The following ITPR1 variants were observed in gnomAD, a reference collection of about 807,000 sequenced individuals.
ITPR1 encodes inositol 1,4,5-trisphosphate receptor type 1.
In ITPR1, 96 loss-of-function variants were observed where a neutral mutation model predicts 318.4. The ratio of observed to expected loss-of-function variants is 0.30; its 90% confidence interval spans 0.26 to 0.36. The LOEUF (loss-of-function observed/expected upper bound fraction) is 0.36. Among genes scored for constraint, ITPR1 ranks in the 10% least tolerant of loss-of-function variants. The pLI is 1.00. For missense variants in ITPR1, 2,440 were observed against 3,460.2 expected (o/e 0.71, Z 7.40); for synonymous variants, 1,312 against 1,289.9 (o/e 1.02, Z -0.37).
chr3:4,825,567 T>G (rs2050018060), intron 60 of ITPR1, among the ~76,000 whole-genome samples: 1 of 152,174 alleles, frequency 6.6e-6, no homozygotes, highest in African/African-American at 2.4e-5. Context: ...GAGGAAACAT[T>G]ATGAGAAGAT....
Position 4,702,912 on chromosome 3 carries a change from C to G in ITPR1, c.4619C>G (p.Ala1540Gly), listed in dbSNP as rs1307308149. 1.9e-6 allele frequency: 3 copies of G among 1,613,844 alleles called. No homozygotes were observed. Among genetic ancestry groups the G allele is most frequent in the Admixed American group, 1.7e-5 (1 of 60,010 alleles). Residue 1540 changes from alanine (A) to glycine (G), a missense_variant, in exon 36 of 62, where the codon GCC becomes GGC. Physicochemically the swap from Ala to Gly is moderately conservative, Grantham distance 60. Around this residue, in one of 23 missense-constraint regions of ITPR1, gnomAD observed 166 missense variants for 246.5 expected, o/e 0.67. Coordinates refer to ENST00000649015, the MANE Select transcript of ITPR1 (RefSeq NM_001378452.1). The part of the protein sequence containing the change: ...HCNWLMPSQK[A>G]SVESCIRVLS... Reference sequence around the variant, plus strand: ...AACTGGTTAATGCCAAGCCAAAAAGCCTCCGTGGAGAGCTGTATTCGGGTG... The same window carrying G: ...AACTGGTTAATGCCAAGCCAAAAAGGCTCCGTGGAGAGCTGTATTCGGGTG...
At chr3:4,738,782 T>C (rs1407407770) in intron 44 of ITPR1, among the ~76,000 whole-genome samples, 2 of 151,908 alleles carry the variant, frequency 1.3e-5, no homozygotes, top group Non-Finnish European at 2.9e-5. Flanking sequence ...ACCCAGGCTG[T>C]AGATGAAATG....
At chr3:4,672,197 A>C (rs889425290) in intron 20 of ITPR1, among the ~76,000 whole-genome samples, 1 of 152,220 alleles carries the variant, frequency 6.6e-6, no homozygotes, top group African/African-American at 2.4e-5. Flanking sequence ...CTTGGAGGAT[A>C]TTCATATTTT....
chr3:4,628,225 C>T (rs141863882), intron 5 of ITPR1, among the ~76,000 whole-genome samples: 2 of 152,286 alleles, frequency 1.3e-5, no homozygotes, highest in African/African-American at 2.4e-5. Context: ...GTGCTGTTTT[C>T]CACTTCTGTT....
In ITPR1 at chr3:4,719,827, A is replaced by G. The variant is rs79808857; in HGVS notation, c.5136+2428A>G. The stretch of plus-strand genomic sequence containing the variant: ...TAAAATTTTGTTTGAAACCAGGAAG[A>G]GGAGGGGTTGTTTGTTTTTTGGCAA... On this transcript the variant is annotated intron_variant, in intron 40 of 61. Coordinates refer to ENST00000649015, the MANE Select transcript of ITPR1 (RefSeq NM_001378452.1). Among the ~76,000 whole-genome samples the G allele has an allele frequency of 1.8e-4, 28 of 152,234 alleles. No individual in the cohort carries two copies. The East Asian group carries it at 5.4e-3, about 29-fold the overall frequency.
chr3:4,666,309 C>CT (rs1455665925), intron 17 of ITPR1, among the ~76,000 whole-genome samples: 4 of 152,178 alleles, frequency 2.6e-5, no homozygotes, highest in South Asian at 2.1e-4. Flanking sequence ...TTGAATAGTG[C>CT]TTTTTTTGAA....
At chr3:4,706,068 T>C in intron 36 of ITPR1, 99 bp from the exon 37 acceptor site, 1 of 1,251,442 alleles carries the variant, frequency 8.0e-7, no homozygotes, top group East Asian at 2.4e-5. Context: ...CCATTCTGGG[T>C]GTGAAAAACC....
At position 4,693,524 on chromosome 3, in the gene ITPR1, A is replaced by G; in HGVS notation, c.4064A>G (p.Tyr1355Cys). Reference sequence around the variant, plus strand: ...TCGGGAGAGGATGTCCTCGTGTTCTACAACGACAGAGCCTCTTTCCAGACT... The same window carrying G: ...TCGGGAGAGGATGTCCTCGTGTTCTGCAACGACAGAGCCTCTTTCCAGACT... Reference protein sequence around the residue: ...VNSGEDVLVFYNDRASFQTLI... With the variant: ...VNSGEDVLVFCNDRASFQTLI... Residue 1355 changes from tyrosine to cysteine, a missense_variant, in exon 33 of 62, where the codon TAC becomes TGC. By Grantham distance (194) the Tyr-to-Cys change is radical. Coordinates refer to ENST00000649015, the MANE Select transcript of ITPR1 (RefSeq NM_001378452.1). 1.2e-6 allele frequency: 2 copies of G among 1,613,974 alleles called. No individual in the cohort carries two copies. The highest frequency in any genetic ancestry group is 1.7e-6 in the Non-Finnish European group (2 of 1,179,874).
chr3:4,700,845 C>A (rs767939597), intron 35 of ITPR1, among the ~76,000 whole-genome samples: 1 of 152,144 alleles, frequency 6.6e-6, no homozygotes, highest in East Asian at 1.9e-4. Context: ...GTGAAAGGCA[C>A]GTCCCACATG....
At chr3:4,766,112 T>C (rs111228910) in intron 44 of ITPR1, among the ~76,000 whole-genome samples, 2,575 of 152,358 alleles carry the variant, frequency 0.017, 44 homozygotes, top group South Asian at 0.063. Flanking sequence ...ATATTTTTCA[T>C]AGGGCTCTGC....
In ITPR1 at chr3:4,660,743, T is replaced by C. The variant is rs192749904; in HGVS notation, c.1152-245T>C. ...TGCTGAGACACTCATTCATGGAGTATGATCTTATATTTAGAAGTATAATAT... is the reference window on the plus strand; with the variant it reads ...TGCTGAGACACTCATTCATGGAGTACGATCTTATATTTAGAAGTATAATAT... On this transcript the variant is annotated intron_variant, in intron 13 of 61. Coordinates refer to ENST00000649015, the MANE Select transcript of ITPR1 (RefSeq NM_001378452.1). 3.9e-4 allele frequency among the ~76,000 whole-genome samples: 60 copies of C among 152,330 alleles called. No homozygotes were observed. In the East Asian group the frequency reaches 0.01, roughly 26 times the overall value.
intron 29 of ITPR1, 131 bp from the exon 30 acceptor site, chr3:4,684,938 C>T (rs1201797619): frequency 4.9e-6 from 4 of 823,988 alleles, no homozygotes; most frequent in African/African-American, 1.7e-5. Flanking sequence ...ATGCCACATA[C>T]TGAAGGAATT....
chr3:4,617,804 C>T (rs1015843039), intron 4 of ITPR1, among the ~76,000 whole-genome samples: 19 of 146,740 alleles, frequency 1.3e-4, no homozygotes, highest in African/African-American at 4.3e-4. Flanking sequence ...GGCAACATGG[C>T]GAAACCTTAT....
intron 45 of ITPR1, chr3:4,768,175 A>T (rs747251773): frequency 1.1e-4 from 24 of 228,502 alleles, no homozygotes; most frequent in Admixed American, 8.8e-4. Context: ...CTTTCTTGAG[A>T]TGTTATTCAC....
At position 4,516,477 on chromosome 3, in the gene ITPR1, A is replaced by T; in HGVS notation, c.-15A>T. On this transcript the variant is annotated splice_region_variant and 5_prime_UTR_variant, in exon 3 of 62. Transcript: ENST00000649015. ...TGCTGCATATTTTACTTTGTCTAGGATTTTCAAGAAAGACATGTCTGACAA... is the reference window on the plus strand; with the variant it reads ...TGCTGCATATTTTACTTTGTCTAGGTTTTTCAAGAAAGACATGTCTGACAA... 2 of 1,486,276 alleles carry T rather than the reference A, an allele frequency of 1.3e-6. No individual in the cohort carries two copies. Among genetic ancestry groups the T allele is most frequent in the Non-Finnish European group, 1.8e-6 (2 of 1,087,388 alleles). 92.1% of individuals were successfully genotyped at this position (1,486,276 alleles called of 1,614,324 possible).
chr3:4,619,469 A>G (rs1324216492), intron 4 of ITPR1, among the ~76,000 whole-genome samples: 1 of 132,968 alleles, frequency 7.5e-6, no homozygotes, highest in African/African-American at 2.9e-5. Context: ...TTCTTTCCTT[A>G]CCTACCTCTC....
intron 4 of ITPR1, among the ~76,000 whole-genome samples, chr3:4,575,638 G>A (rs991880772): frequency 6.6e-6 from 1 of 152,096 alleles, no homozygotes. Context: ...CAGTGACCCT[G>A]TGTTGGAGGA....
intron 54 of ITPR1, 65 bp downstream of exon 54, chr3:4,800,665 G>A: frequency 1.2e-5 from 18 of 1,505,534 alleles, no homozygotes; most frequent in Non-Finnish European, 1.7e-5. Context: ...CTTGCACTCT[G>A]GTTTCTAGAA....
At chr3:4,840,029 CTT>C (rs56096727) in intron 61 of ITPR1, among the ~76,000 whole-genome samples, 35 of 104,850 alleles carry the variant, frequency 3.3e-4, no homozygotes, top group African/African-American at 1.3e-3. Flanking sequence ...AGCATAGCTG[CTT>C]TTTTTTTTTT....
Sources: allele counts gnomAD v4.1 joint callset (sites outside exome capture counted in the v4.1 genomes callset), GRCh38; gene constraint gnomAD v4.1.1; regional missense constraint gnomAD v4.1.1; transcripts MANE v1.5; gene names NCBI Gene and HGNC (gene_info 2026-07-23, HGNC 2026-07-21).